OPTN: variants seen among roughly 807,000 people sequenced by gnomAD.
The protein encoded by OPTN is E3-14.7K-interacting protein.
Under a neutral mutation model 70.4 loss-of-function variants are expected in OPTN, and 54 were observed. The observed-to-expected ratio is 0.77, with a 90% CI of 0.62 to 0.96. The LOEUF (loss-of-function observed/expected upper bound fraction) is 0.96. Ranked by LOEUF, OPTN falls within the 40% of genes least tolerant of loss-of-function variation. The pLI, the probability that OPTN is intolerant of heterozygous loss-of-function variation, is 0.00. For missense variants in OPTN, 624 were observed against 673.2 expected, an observed-to-expected ratio of 0.93 and a Z score of 0.81; for synonymous variants, 256 against 248.5, an observed-to-expected ratio of 1.03 and a Z score of -0.28.
rs1832969750 is a variant in OPTN, at chr10:13,110,395, T to C, written c.288T>C (p.Arg96=). 6.2e-7 allele frequency: 1 copy of C among 1,614,044 alleles called. No homozygotes were observed. The highest frequency in any genetic ancestry group is 1.3e-5 in the African/African-American group (1 of 75,006). ...TACAGAGCAAAGAAGCAAAAGAGCG[T>C]CTAATGGCCTTGAGTCATGAGAATG... ...FEIQSKEAKE[R]LMALSHENEK... Residue 96 remains arginine (R), a synonymous_variant, in exon 4 of 15, where the codon CGT becomes CGC. Coordinates refer to ENST00000378747, the MANE Select transcript of OPTN (RefSeq NM_001008212.2).
chr10:13,118,294 A>AC (rs1833263557), intron 6 of OPTN, among the ~76,000 whole-genome samples: 1 of 152,216 alleles, frequency 6.6e-6, no homozygotes, highest in South Asian at 2.1e-4. Flanking sequence ...ATGTTTTGTA[A>AC]CAGTGATCAT....
chr10:13,111,535 TA>T (rs34165825), intron 4 of OPTN, among the ~76,000 whole-genome samples: 77,048 of 151,614 alleles, frequency 0.51, 20,508 homozygotes, highest in Non-Finnish European at 0.59. Flanking sequence ...CCATCTCTAC[TA>T]AAAATACAAA....
Position 13,138,110 on chromosome 10 carries a change from A to G in OPTN, c.*1244A>G, listed in dbSNP as rs2131536916. 5.1e-6 allele frequency: 1 copy of G among 196,670 alleles called. No individual in the cohort carries two copies. Among genetic ancestry groups the G allele is most frequent in the Non-Finnish European group, 1.1e-5 (1 of 94,822 alleles). 12.2% of individuals were successfully genotyped at this position (196,670 alleles called of 1,614,324 possible). A position where few individuals can be genotyped will look rare whatever the true frequency, so the allele number is the denominator to read the frequency against. ...TCTATGGATATGAGCAGATCCCTTT[A>G]CTGGAGCCCAGTATGTGCTGTGTGA... On this transcript the variant is annotated 3_prime_UTR_variant, in exon 15 of 15. Coordinates refer to ENST00000378747, the MANE Select transcript of OPTN (RefSeq NM_001008212.2).
chr10:13,116,272 A>G lies in OPTN; in HGVS notation c.558A>G (p.Gly186=). The G allele has an allele frequency of 6.2e-7, 1 of 1,605,294 alleles. No homozygotes were observed. Among genetic ancestry groups the G allele is most frequent in the Non-Finnish European group, 8.5e-7 (1 of 1,172,012 alleles). The part of the protein sequence containing the change: ...DSFVEIRMAE[G]EAEGSVKEIK... ...TTGCATTTCTGTTTTCACAGGAAGGAGAAGCAGAAGGGTCAGTAAAAGAAA... is the reference window on the plus strand; with the variant it reads ...TTGCATTTCTGTTTTCACAGGAAGGGGAAGCAGAAGGGTCAGTAAAAGAAA... The change falls in exon 6 of 15, where the codon GGA becomes GGG. Residue 186 remains glycine (G), a synonymous_variant. Coordinates refer to ENST00000378747, the MANE Select transcript of OPTN (RefSeq NM_001008212.2).
chr10:13,136,467 C>T (rs1442556948), intron 14 of OPTN, among the ~76,000 whole-genome samples: 1 of 131,236 alleles, frequency 7.6e-6, no homozygotes, highest in South Asian at 2.5e-4. Flanking sequence ...AAGATCGTGC[C>T]ACTGCCCTCC....
At chr10:13,122,309 TA>T (rs1833367436) in intron 7 of OPTN, 75 bp from the exon 8 acceptor site, 1 of 963,116 alleles carries the variant, frequency 1.0e-6, no homozygotes, top group South Asian at 1.4e-5. Context: ...ATGTTCTTTT[TA>T]GTACTTCTGT....
rs1833439135 is a variant in OPTN at position 13,125,523 on chromosome 10, G to T, written c.1104G>T (p.Met368Ile). 3.7e-6 allele frequency: 6 copies of T among 1,614,044 alleles called. No homozygotes were observed. In the Admixed American group the frequency reaches 8.3e-5, roughly 22 times the overall value. ...AGTTAGAGCTACAAGTGGAAAGCAT[G>T]CTATCAGAAATCAAAATGGAACAGG... ...NKKLELQVES[M>I]LSEIKMEQAK... The change falls in exon 10 of 15, where the codon ATG becomes ATT. Residue 368 changes from methionine (M) to isoleucine (I), a missense_variant. By Grantham distance (10) the Met-to-Ile change is conservative. Coordinates refer to ENST00000378747, the MANE Select transcript of OPTN (RefSeq NM_001008212.2).
chr10:13,127,854 T>C lies in OPTN; in HGVS notation c.1352T>C (p.Ile451Thr), dbSNP rs772864480. The change falls in exon 12 of 15, where the codon ATT becomes ACT. Residue 451 changes from isoleucine (I) to threonine (T), a missense_variant. Ile to Thr is a moderately conservative substitution (Grantham distance 89). Coordinates refer to ENST00000378747, the MANE Select transcript of OPTN (RefSeq NM_001008212.2). ...CAAATGGATGAAATGAAGCAAACCA[T>C]TGCCAAGCAGGAAGAGGACCTGGAA... ...QLQMDEMKQT[I>T]AKQEEDLETM... is the part of the protein sequence containing the mutation. 3.7e-6 allele frequency: 6 copies of C among 1,613,960 alleles called. No individual in the cohort carries two copies. Among genetic ancestry groups the C allele is most frequent in the South Asian group, 2.2e-5 (2 of 91,064 alleles).
chr10:13,113,097 C>T (rs1833044706), intron 5 of OPTN, among the ~76,000 whole-genome samples: 1 of 152,166 alleles, frequency 6.6e-6, no homozygotes, highest in Non-Finnish European at 1.5e-5. Flanking sequence ...TCTCGGCTCA[C>T]TGCACCCTCT....
At chr10:13,128,163 C>T (rs889515242) in intron 12 of OPTN, among the ~76,000 whole-genome samples, 1 of 152,168 alleles carries the variant, frequency 6.6e-6, no homozygotes, top group Non-Finnish European at 1.5e-5. Context: ...GCATGTTGCT[C>T]TGTTCACATG....
Position 13,114,783 on chromosome 10 carries a change from TA to T in OPTN, c.553-1482del, listed in dbSNP as rs1333860546. On this transcript the variant is annotated intron_variant, in intron 5 of 14. Transcript: ENST00000378747. ...TTGCATATATAATTATATAATTATA[TA>T]ATTATATAATTATATATACATATAT... Among the ~76,000 whole-genome samples the T allele has an allele frequency of 3.8e-4, 40 of 104,940 alleles. 1 individual carries two copies. Among genetic ancestry groups the T allele is most frequent in the African/African-American group, 8.9e-4 (24 of 26,926 alleles). 68.8% of individuals were successfully genotyped at this position (104,940 alleles called of 152,430 possible). A position where few individuals can be genotyped will look rare whatever the true frequency, so the allele number is the denominator to read the frequency against.
In OPTN at chr10:13,127,974, G is replaced by A. The variant is rs562892703; in HGVS notation, c.1401+71G>A. The A allele has an allele frequency of 2.0e-6, 3 of 1,506,326 alleles. No homozygotes were observed. In the South Asian group the frequency reaches 3.4e-5, roughly 17 times the overall value. The allele number at this position is 1,506,326 out of a possible 1,614,324, so 93.3% of individuals were successfully genotyped here. On this transcript the variant is annotated intron_variant, in intron 12 of 14. Transcript: ENST00000378747. ...TGTATTCTCGCATTGGAAAGCAATG[G>A]TGTTTAGAATGTTTGTAATTTTCTA...
At chr10:13,114,794 TTATATATACATA>T (rs1564358724) in intron 5 of OPTN, among the ~76,000 whole-genome samples, 60 of 95,804 alleles carry the variant, frequency 6.3e-4, no homozygotes, top group East Asian at 1.1e-3. Context: ...AATTATATAA[TTATATATACATA>T]TATATAATTA....
chr10:13,115,495 TATAATATAGAATATATATA>T (rs1833175903), intron 5 of OPTN, among the ~76,000 whole-genome samples: 5 of 98,670 alleles, frequency 5.1e-5, no homozygotes, highest in African/African-American at 2.7e-4. Context: ...TTCTATATTA[TATAATATAGAATATATATA>T]ATATATTCTA....
chr10:13,127,961 T>C, intron 12 of OPTN, 58 bp downstream of exon 12: 2 of 1,562,892 alleles, frequency 1.3e-6, no homozygotes, highest in South Asian at 1.1e-5. Flanking sequence ...TATTCTCGCA[T>C]TGGAAAGCAA....
chr10:13,118,300 A>G (rs1363903651), intron 6 of OPTN, among the ~76,000 whole-genome samples: 2 of 152,190 alleles, frequency 1.3e-5, no homozygotes, highest in African/African-American at 4.8e-5. Context: ...TGTAACAGTG[A>G]TCATGATTCT....
Position 13,129,690 on chromosome 10 carries a change from A to G in OPTN, c.1401+1787A>G, listed in dbSNP as rs143757843. On this transcript the variant is annotated intron_variant, in intron 12 of 14. Coordinates refer to ENST00000378747, the MANE Select transcript of OPTN (RefSeq NM_001008212.2). ...ATGTCCATTTCTCAGTTAAATAAAT[A>G]TTACCAAGCTGTCTTCTAAAACTGC... Among the ~76,000 whole-genome samples the G allele has an allele frequency of 7.9e-5, 12 of 152,308 alleles. No individual in the cohort carries two copies. The East Asian group carries it at 2.3e-3, about 29-fold the overall frequency.
chr10:13,110,710 A>G (rs924543680), intron 4 of OPTN, among the ~76,000 whole-genome samples: 5 of 152,350 alleles, frequency 3.3e-5, no homozygotes, highest in African/African-American at 9.6e-5. Context: ...TACTGATTGT[A>G]GGCAAAAGAA....
intron 9 of OPTN, among the ~76,000 whole-genome samples, chr10:13,124,745 C>T (rs1564364743): frequency 6.6e-6 from 1 of 152,214 alleles, no homozygotes; most frequent in Non-Finnish European, 1.5e-5. Flanking sequence ...GCAGCTACAA[C>T]TAAGGACTTT....
Sources: allele counts gnomAD v4.1 joint callset (sites outside exome capture counted in the v4.1 genomes callset), GRCh38; gene constraint gnomAD v4.1.1; transcripts MANE v1.5; gene names NCBI Gene and HGNC (gene_info 2026-07-23, HGNC 2026-07-21).